NLGN4X: variants seen among roughly 807,000 people sequenced by gnomAD.
The protein encoded by NLGN4X is neuroligin-4, X-linked.
NLGN4X carries 3 observed loss-of-function variants against 40.3 expected under a neutral mutation model. The ratio of observed to expected loss-of-function variants is 0.07; its 90% CI spans 0.03 to 0.19. The LOEUF is 0.19. Among genes scored for constraint, NLGN4X ranks in the 10% least tolerant of loss-of-function variants. The pLI is 1.00. For synonymous variants in NLGN4X, 270 were observed against 306.8 expected (o/e 0.88, Z 1.25); for missense variants, 382 against 708.3 (o/e 0.54, Z 5.23).
intron 2 of NLGN4X, among the ~76,000 whole-genome samples, chrX:6,128,913 T>C (rs187103545): frequency 1.8e-5 from 2 of 112,239 alleles, no homozygotes; most frequent in East Asian, 5.6e-4. Flanking sequence ...TTACATCCTA[T>C]GGATAAAATT....
chrX:5,989,668 A>C, intron 3 of NLGN4X, among the ~76,000 whole-genome samples: 1 of 111,905 alleles, frequency 8.9e-6, no homozygotes, highest in Non-Finnish European at 1.9e-5. Context: ...TAACACTTTA[A>C]AAATTTTCCT....
intron 3 of NLGN4X, among the ~76,000 whole-genome samples, chrX:5,947,119 T>C (rs2034151171): frequency 8.9e-6 from 1 of 112,085 alleles, no homozygotes; most frequent in Non-Finnish European, 1.9e-5. Context: ...TTTGCTATTG[T>C]GAATAGTGCT....
chrX:5,977,396 T>C (rs1412184913), intron 3 of NLGN4X, among the ~76,000 whole-genome samples: 3 of 107,922 alleles, frequency 2.8e-5, no homozygotes, highest in African/African-American at 1.0e-4. Context: ...AATTTTTCAT[T>C]TTTTTTTTAG....
At chrX:6,142,974 A>G (rs1480944182) in intron 2 of NLGN4X, among the ~76,000 whole-genome samples, 2 of 112,107 alleles carry the variant, frequency 1.8e-5, no homozygotes, top group Non-Finnish European at 3.8e-5. Context: ...TTACTTCTTA[A>G]GCTTACCCCT....
intron 2 of NLGN4X, among the ~76,000 whole-genome samples, chrX:6,131,739 T>C (rs1011075972): frequency 8.9e-6 from 1 of 112,305 alleles, no homozygotes; most frequent in Non-Finnish European, 1.9e-5. Context: ...ATTGTAGGAC[T>C]TGTCCCTTTT....
intron 2 of NLGN4X, among the ~76,000 whole-genome samples, chrX:6,136,220 T>A (rs758856566): frequency 1.1e-4 from 12 of 112,599 alleles, no homozygotes; most frequent in Non-Finnish European, 2.3e-4. Flanking sequence ...CTGGGATTAC[T>A]GTGCTCAGCT....
At chrX:6,224,840 T>G (rs1248841317) in intron 1 of NLGN4X, among the ~76,000 whole-genome samples, 1 of 73,513 alleles carries the variant, frequency 1.4e-5, no homozygotes, top group Non-Finnish European at 2.5e-5. Flanking sequence ...AAAATGCAAT[T>G]ATTATTCTGA....
At chrX:6,185,903 T>C (rs1004337005) in intron 1 of NLGN4X, among the ~76,000 whole-genome samples, 5 of 111,721 alleles carry the variant, frequency 4.5e-5, no homozygotes, top group African/African-American at 1.6e-4. Flanking sequence ...CCACTGAATC[T>C]TTCCCTGGTG....
intron 2 of NLGN4X, among the ~76,000 whole-genome samples, chrX:6,124,063 A>G (rs1357293765): frequency 1.8e-5 from 2 of 111,141 alleles, no homozygotes; most frequent in Admixed American, 9.6e-5. Flanking sequence ...AATATAAAAC[A>G]AAATATAAAT....
At chrX:5,926,789 T>TACACACACACACACACACAC (rs3072083) in intron 3 of NLGN4X, among the ~76,000 whole-genome samples, 1 of 93,055 alleles carries the variant, frequency 1.1e-5, no homozygotes, top group African/African-American at 3.9e-5. Context: ...CTAGAGAGCA[T>TACACACACACACACACACAC]ACACACACAC....
intron 2 of NLGN4X, among the ~76,000 whole-genome samples, chrX:6,044,638 G>A (rs1179035642): frequency 1.8e-5 from 2 of 111,209 alleles, no homozygotes; most frequent in African/African-American, 3.3e-5. Context: ...CACCAAGACT[G>A]TAGCCTACTG....
At chrX:5,983,748 G>A in intron 3 of NLGN4X, among the ~76,000 whole-genome samples, 1 of 111,752 alleles carries the variant, frequency 8.9e-6, no homozygotes, top group Non-Finnish European at 1.9e-5. Context: ...GAACAGCCTG[G>A]GCAACAAAGC....
intron 3 of NLGN4X, among the ~76,000 whole-genome samples, chrX:5,914,290 GT>G (rs1413278309): frequency 6.3e-5 from 7 of 111,905 alleles, no homozygotes; most frequent in African/African-American, 2.3e-4. Flanking sequence ...TAATGTAGAT[GT>G]TTCCTCTCAT....
At chrX:6,208,420 C>A (rs947946876) in intron 1 of NLGN4X, among the ~76,000 whole-genome samples, 1 of 111,995 alleles carries the variant, frequency 8.9e-6, no homozygotes, top group African/African-American at 3.2e-5. Flanking sequence ...ATTAACTGTC[C>A]CCAAATGTCA....
chrX:6,178,876 A>C (rs182930354), intron 1 of NLGN4X, among the ~76,000 whole-genome samples: 4 of 111,121 alleles, frequency 3.6e-5, no homozygotes, highest in Non-Finnish European at 7.5e-5. Flanking sequence ...CAGGAGGATC[A>C]CTAGAGTCCA....
intron 2 of NLGN4X, among the ~76,000 whole-genome samples, chrX:6,150,184 C>T (rs1388671999): frequency 9.0e-6 from 1 of 111,597 alleles, no homozygotes; most frequent in Non-Finnish European, 1.9e-5. Flanking sequence ...AATGTGATAC[C>T]ATTATGGCAT....
chrX:5,986,848 C>G (rs1467526719), intron 3 of NLGN4X, among the ~76,000 whole-genome samples: 1 of 111,541 alleles, frequency 9.0e-6, no homozygotes, highest in African/African-American at 3.3e-5. Context: ...TAAAATAGAA[C>G]TTTTATACTG....
chrX:6,197,918 A>G (rs1245422541), intron 1 of NLGN4X, among the ~76,000 whole-genome samples: 2 of 109,510 alleles, frequency 1.8e-5, no homozygotes, highest in African/African-American at 6.7e-5. Context: ...TACAAAAATT[A>G]GCGAGGTTTG....
chrX:6,190,234 C>G (rs1453221098), intron 1 of NLGN4X, among the ~76,000 whole-genome samples: 1 of 111,105 alleles, frequency 9.0e-6, no homozygotes, highest in Non-Finnish European at 1.9e-5. Flanking sequence ...AACAAGAGTT[C>G]CATAAAGGAC....
Sources: gnomAD v4.1 joint callset for allele counts (sites outside exome capture counted in the v4.1 genomes callset) on GRCh38, gnomAD v4.1.1 for gene constraint, MANE v1.5 for transcripts, NCBI Gene and HGNC (gene_info 2026-07-23, HGNC 2026-07-21) for gene names.